USH2A: variants seen among roughly 807,000 people sequenced by gnomAD.
USH2A encodes the protein usherin.
A neutral mutation model predicts 538.9 loss-of-function variants in USH2A; 443 were observed. That is an observed-to-expected ratio of 0.82 (90% CI 0.76 to 0.89). The LOEUF is 0.89. USH2A is among the 40% of genes least tolerant of loss of function. The pLI, the probability that USH2A is intolerant of heterozygous loss-of-function variation, is 0.00. For missense variants in USH2A, 6,633 were observed against 6,324.8 expected, an observed-to-expected ratio of 1.05 and a Z score of -1.65; for synonymous variants, 2,413 against 2,273.5, an observed-to-expected ratio of 1.06 and a Z score of -1.75.
chr1:215,978,637 T>C (rs1258436175), intron 35 of USH2A, among the ~76,000 whole-genome samples: 1 of 152,164 alleles, frequency 6.6e-6, no homozygotes, highest in African/African-American at 2.4e-5. Flanking sequence ...ACAAGGATCA[T>C]AAGCACCACA....
intron 61 of USH2A, among the ~76,000 whole-genome samples, chr1:215,710,205 C>T (rs1659300032): frequency 1.3e-5 from 2 of 152,128 alleles, no homozygotes; most frequent in African/African-American, 4.8e-5. Context: ...TGAAGAGGAG[C>T]TGAAAAATGG....
intron 20 of USH2A, 134 bp downstream of exon 20, chr1:216,190,088 TG>T: frequency 7.9e-7 from 1 of 1,272,234 alleles, no homozygotes; most frequent in Non-Finnish European, 1.1e-6. Flanking sequence ...TTAAAACTGT[TG>T]AGGTAAGAAG....
At position 215,674,781 on chromosome 1, in the gene USH2A, G is replaced by T. The variant is rs111033385; in HGVS notation, c.13130C>A (p.Ser4377Ter). Residue 4377 changes from serine (S) to a stop codon, truncating the protein, a stop_gained, in exon 63 of 72, where the codon TCA (serine) becomes TAA (stop). Coordinates refer to ENST00000307340, the MANE Select transcript of USH2A (RefSeq NM_206933.4). LOFTEE classifies it high-confidence loss of function. ...CTTTCCATTTTGCACTGTGGGCGGTGACCAACATACATTCATTTGAGTGGC... is the reference window on the plus strand; with the variant it reads ...CTTTCCATTTTGCACTGTGGGCGGTTACCAACATACATTCATTTGAGTGGC... ...VSATQMNVCWSPPTVQNGKIT... is the reference protein window; with the variant it reads ...VSATQMNVCW 5 of 1,614,138 alleles carry T rather than the reference G, an allele frequency of 3.1e-6. No individual in the cohort carries two copies. Among genetic ancestry groups the T allele is most frequent in the Non-Finnish European group, 4.2e-6 (5 of 1,180,034 alleles).
At chr1:216,170,785 T>C (rs975493338) in intron 21 of USH2A, among the ~76,000 whole-genome samples, 18 of 152,264 alleles carry the variant, frequency 1.2e-4, no homozygotes, top group African/African-American at 3.8e-4. Flanking sequence ...ATTCTTTGTA[T>C]AAATCAAGTA....
chr1:216,394,192 A>G (rs1416223457), intron 3 of USH2A, among the ~76,000 whole-genome samples: 1 of 152,200 alleles, frequency 6.6e-6, no homozygotes, highest in Non-Finnish European at 1.5e-5. Context: ...GCTGGCCAGG[A>G]TGCAAAACAA....
intron 19 of USH2A, among the ~76,000 whole-genome samples, chr1:216,195,590 C>A (rs768682734): frequency 4.0e-5 from 6 of 150,348 alleles, no homozygotes. Context: ...TGTACCTGGA[C>A]AATATGGCAG....
rs186606607 is a variant in USH2A at position 216,160,412 on chromosome 1, A to G, written c.4627+14840T>C. ...CTTTTTGAGCCAGGGATATTTTCCA[A>G]TCGGATTATGTTTTAGATTTGGAGT... On this transcript the variant is annotated intron_variant, in intron 21 of 71. Coordinates refer to ENST00000307340, the MANE Select transcript of USH2A (RefSeq NM_206933.4). 6.8e-4 allele frequency among the ~76,000 whole-genome samples: 104 copies of G among 152,174 alleles called. 1 individual carries two copies. The highest frequency in any genetic ancestry group is 1.5e-4 in the Non-Finnish European group (10 of 67,992).
chr1:215,636,129 A>C (rs944986987), intron 69 of USH2A, among the ~76,000 whole-genome samples: 1 of 152,196 alleles, frequency 6.6e-6, no homozygotes, highest in African/African-American at 2.4e-5. Flanking sequence ...CCAGGTCAGA[A>C]GAACAAGCAG....
At chr1:215,855,776 C>T (rs1263900118) in intron 44 of USH2A, among the ~76,000 whole-genome samples, 3 of 152,084 alleles carry the variant, frequency 2.0e-5, no homozygotes, top group Non-Finnish European at 4.4e-5. Flanking sequence ...CATCACCTGA[C>T]CTCAAACTAT....
At chr1:215,664,245 G>A (rs948873572) in intron 64 of USH2A, among the ~76,000 whole-genome samples, 3 of 152,040 alleles carry the variant, frequency 2.0e-5, no homozygotes, top group African/African-American at 7.3e-5. Context: ...AACTAAATAA[G>A]TTTATTATTT....
intron 32 of USH2A, among the ~76,000 whole-genome samples, chr1:216,034,419 T>G (rs1351652089): frequency 2.6e-5 from 4 of 152,124 alleles, no homozygotes; most frequent in Admixed American, 2.6e-4. Flanking sequence ...GGAGGTGTAG[T>G]GGATTGAATT....
intron 30 of USH2A, among the ~76,000 whole-genome samples, chr1:216,061,141 C>T (rs996519594): frequency 1.3e-5 from 2 of 152,174 alleles, no homozygotes; most frequent in South Asian, 4.1e-4. Context: ...GCCTGTTAAC[C>T]CTTGGACTCT....
At chr1:215,935,419 C>T (rs539396659) in intron 37 of USH2A, among the ~76,000 whole-genome samples, 2 of 151,980 alleles carry the variant, frequency 1.3e-5, no homozygotes, top group South Asian at 2.1e-4. Flanking sequence ...ACTATATGTC[C>T]ACTTTGATCA....
chr1:215,987,816 G>A lies in USH2A; in HGVS notation c.6805+5204C>T, dbSNP rs1451171001. On this transcript the variant is annotated intron_variant, in intron 35 of 71. Coordinates refer to ENST00000307340, the MANE Select transcript of USH2A (RefSeq NM_206933.4). ...CACGTTCCACTGAACTGCAAGGAAA[G>A]ATGTTTGCACCATATTGTGAAGTGA... Among the ~76,000 whole-genome samples the A allele has an allele frequency of 2.6e-5, 4 of 152,300 alleles. No individual in the cohort carries two copies. The East Asian group carries it at 7.7e-4, about 29-fold the overall frequency.
In USH2A at chr1:216,125,880, T is replaced by C. The variant is rs143468058; in HGVS notation, c.4628-28667A>G. ...CTTAATTCCTTAATTCAATTAGCTGTCTGGCATCATGTAGACATCATCTAA... is the reference window on the plus strand; with the variant it reads ...CTTAATTCCTTAATTCAATTAGCTGCCTGGCATCATGTAGACATCATCTAA... On this transcript the variant is annotated intron_variant, in intron 21 of 71. Transcript: ENST00000307340. Among the ~76,000 whole-genome samples, 1,068 of 152,326 alleles carry C rather than the reference T, an allele frequency of 7.0e-3. 12 individuals carry two copies. Among genetic ancestry groups the C allele is most frequent in the African/African-American group, 0.024 (1,004 of 41,586 alleles).
chr1:215,721,845 C>G (rs1415504471), intron 61 of USH2A, among the ~76,000 whole-genome samples: 1 of 152,100 alleles, frequency 6.6e-6, no homozygotes, highest in African/African-American at 2.4e-5. Context: ...GGGAGGATCT[C>G]TTGAGGCCGG....
Position 216,217,394 on chromosome 1 carries a change from G to A in USH2A, c.3150C>T (p.Cys1050=). The A allele has an allele frequency of 6.2e-7, 1 of 1,612,890 alleles. No individual in the cohort carries two copies. The highest frequency in any genetic ancestry group is 1.1e-5 in the South Asian group (1 of 91,062). ...GAACCAGAGTTCACTTACTTTTGCT[G>A]CAACCCAATAGATTGTTGACATCCA... is the stretch of plus-strand genomic sequence containing the variant. ...SHLDVNNLLG[C]SKTPFQQPPP... is the part of the protein sequence containing the mutation. Residue 1050 remains cysteine, a synonymous_variant, in exon 15 of 72, where the codon TGC becomes TGT. Transcript: ENST00000307340.
intron 30 of USH2A, 39 bp downstream of exon 30, chr1:216,070,062 A>C (rs747278841): frequency 1.0e-5 from 16 of 1,606,146 alleles, no homozygotes; most frequent in Middle Eastern, 3.3e-4. Context: ...AACAAAAAGG[A>C]AGTTAATAGG....
rs536054884 is a variant in USH2A at position 216,190,702 on chromosome 1, T to A, written c.4252-335A>T. Among the ~76,000 whole-genome samples the A allele has an allele frequency of 2.0e-4, 30 of 152,120 alleles. No individual in the cohort carries two copies. In the South Asian group the frequency reaches 6.2e-3, roughly 32 times the overall value. On this transcript the variant is annotated intron_variant, in intron 19 of 71. Coordinates refer to ENST00000307340, the MANE Select transcript of USH2A (RefSeq NM_206933.4). ...GGTGACATTGTCATTGTTATCATGA[T>A]AAAGTCCAAACAAAGCCATGGGGCT... is the stretch of plus-strand genomic sequence containing the variant.
Sources: allele counts gnomAD v4.1 joint callset (sites outside exome capture counted in the v4.1 genomes callset), GRCh38; gene constraint gnomAD v4.1.1; transcripts MANE v1.5; gene names NCBI Gene and HGNC (gene_info 2026-07-23, HGNC 2026-07-21).